Variants in PCCA observed in about 807,000 individuals in gnomAD.
The protein encoded by PCCA is propionyl-CoA carboxylase subunit alpha.
A neutral mutation model predicts 101.3 loss-of-function variants in PCCA; 74 were observed. That is an observed-to-expected ratio of 0.73 (90% confidence interval 0.61 to 0.89). PCCA has a LOEUF of 0.89. Ranked by LOEUF, PCCA falls within the 40% of genes least tolerant of loss-of-function variation. The pLI is 0.00. For synonymous variants in PCCA, 294 were observed against 313.6 expected, an observed-to-expected ratio of 0.94 and a Z score of 0.66; for missense variants, 891 against 907.0, an observed-to-expected ratio of 0.98 and a Z score of 0.23.
intron 12 of PCCA, among the ~76,000 whole-genome samples, chr13:100,276,213 C>CAAAAAAAAAAAAAA (rs59671834): frequency 9.8e-6 from 1 of 102,128 alleles, no homozygotes; most frequent in African/African-American, 4.6e-5. Flanking sequence ...TTGTCTGTAC[C>CAAAAAAAAAAAAAA]AAAAAAAAAA....
intron 21 of PCCA, among the ~76,000 whole-genome samples, chr13:100,489,133 G>A (rs938115022): frequency 5.3e-5 from 8 of 149,994 alleles, no homozygotes; most frequent in Non-Finnish European, 1.0e-4. Flanking sequence ...GTGAAACCCC[G>A]TCTCTACTAA....
intron 16 of PCCA, among the ~76,000 whole-genome samples, chr13:100,325,904 G>A (rs1359001726): frequency 6.6e-6 from 1 of 152,078 alleles, no homozygotes; most frequent in Admixed American, 6.5e-5. Context: ...TAACATCGAA[G>A]GTGTCGAAGT....
chr13:100,527,447 G>C, intron 22 of PCCA: 1 of 570,888 alleles, frequency 1.8e-6, no homozygotes, highest in South Asian at 1.7e-5. Context: ...CACTTCTCCA[G>C]GGTCAGGGAT....
chr13:100,503,382 C>A (rs1320365617), intron 21 of PCCA, among the ~76,000 whole-genome samples: 1 of 151,892 alleles, frequency 6.6e-6, no homozygotes, highest in Non-Finnish European at 1.5e-5. Flanking sequence ...CCCAGCTACT[C>A]GGGAGGCTGA....
intron 4 of PCCA, among the ~76,000 whole-genome samples, chr13:100,145,750 G>A (rs1474985806): frequency 2.0e-5 from 3 of 151,110 alleles, no homozygotes; most frequent in African/African-American, 2.4e-5. Flanking sequence ...TAGTCCCTGC[G>A]ACTCAGGAGG....
chr13:100,227,295 T>G (rs1030911640), intron 7 of PCCA, among the ~76,000 whole-genome samples: 1 of 152,130 alleles, frequency 6.6e-6, no homozygotes, highest in African/African-American at 2.4e-5. Context: ...AGCTCTTAAC[T>G]GCAAGGCTTG....
chr13:100,381,402 A>T (rs1345259218), intron 19 of PCCA, among the ~76,000 whole-genome samples: 2 of 152,084 alleles, frequency 1.3e-5, no homozygotes, highest in African/African-American at 4.8e-5. Flanking sequence ...AAAAAAAAAA[A>T]AAAAGTGTTG....
intron 8 of PCCA, among the ~76,000 whole-genome samples, chr13:100,257,106 A>G (rs2062128258): frequency 6.6e-6 from 1 of 152,146 alleles, no homozygotes; most frequent in African/African-American, 2.4e-5. Flanking sequence ...CAATACCATC[A>G]TGTCACTTCT....
At chr13:100,516,471 A>G (rs879872537) in intron 22 of PCCA, among the ~76,000 whole-genome samples, 2 of 152,244 alleles carry the variant, frequency 1.3e-5, no homozygotes, top group Non-Finnish European at 2.9e-5. Context: ...AATAAATGTG[A>G]ATATTAAGAA....
intron 7 of PCCA, among the ~76,000 whole-genome samples, chr13:100,229,488 T>C (rs1052961560): frequency 3.9e-5 from 6 of 152,244 alleles, no homozygotes; most frequent in African/African-American, 1.4e-4. Context: ...AGCCTAAATA[T>C]TTGCCCTGGC....
At chr13:100,237,540 G>C (rs2060875148) in intron 8 of PCCA, 1 of 152,118 alleles carries the variant, frequency 6.6e-6, no homozygotes, top group African/African-American at 2.4e-5. Context: ...AAAAGTTTCT[G>C]TTCATGGTTT....
At chr13:100,395,184 C>G (rs2076986910) in intron 19 of PCCA, among the ~76,000 whole-genome samples, 1 of 152,202 alleles carries the variant, frequency 6.6e-6, no homozygotes, top group African/African-American at 2.4e-5. Context: ...TTAAAATTAT[C>G]CCAAAGCCAC....
chr13:100,425,354 T>G (rs1383615820), intron 19 of PCCA, among the ~76,000 whole-genome samples: 1 of 151,104 alleles, frequency 6.6e-6, no homozygotes, highest in Non-Finnish European at 1.5e-5. Context: ...ATGTAGCATG[T>G]CCAGATAGGT....
chr13:100,516,499 T>C lies in PCCA; in HGVS notation c.2040+932T>C, dbSNP rs1009659972. 4.6e-5 allele frequency among the ~76,000 whole-genome samples: 7 copies of C among 152,356 alleles called. No homozygotes were observed. The South Asian group carries it at 1.4e-3, about 32-fold the overall frequency. On this transcript the variant is annotated intron_variant, in intron 22 of 23. Transcript: ENST00000376285. Reference sequence around the variant, plus strand: ...ATTAAGAAAACATGATCAGTTTTAGTTGTTTGAATGACCAGCCCTGAAACT... The same window carrying C: ...ATTAAGAAAACATGATCAGTTTTAGCTGTTTGAATGACCAGCCCTGAAACT...
At chr13:100,333,033 G>T (rs2069877721) in intron 17 of PCCA, among the ~76,000 whole-genome samples, 1 of 151,998 alleles carries the variant, frequency 6.6e-6, no homozygotes, top group South Asian at 2.1e-4. Flanking sequence ...TTTCAATCAG[G>T]GTATGCTACA....
At chr13:100,527,944 C>A (rs1024905960) in intron 23 of PCCA, among the ~76,000 whole-genome samples, 192 bp downstream of exon 23, 2 of 152,198 alleles carry the variant, frequency 1.3e-5, no homozygotes, top group Non-Finnish European at 2.9e-5. Context: ...GAGAGCGTGG[C>A]TTCCAAAAAG....
chr13:100,238,022 T>G (rs977073529), intron 8 of PCCA, among the ~76,000 whole-genome samples: 7 of 151,480 alleles, frequency 4.6e-5, no homozygotes, highest in African/African-American at 1.7e-4. Context: ...CACTGCAACT[T>G]CTGCCTCCCG....
intron 21 of PCCA, among the ~76,000 whole-genome samples, chr13:100,495,054 C>T (rs745480337): frequency 1.1e-4 from 16 of 151,898 alleles, no homozygotes; most frequent in East Asian, 3.9e-4. Flanking sequence ...GTATTGCCCC[C>T]GGGCATATTC....
At chr13:100,377,374 T>A (rs1301004995) in intron 19 of PCCA, among the ~76,000 whole-genome samples, 2 of 152,194 alleles carry the variant, frequency 1.3e-5, no homozygotes, top group Non-Finnish European at 2.9e-5. Context: ...GATGGAACAA[T>A]TTTTTCCATC....
Sources: gnomAD v4.1 joint callset for allele counts (sites outside exome capture counted in the v4.1 genomes callset) on GRCh38, gnomAD v4.1.1 for gene constraint, MANE v1.5 for transcripts, NCBI Gene and HGNC (gene_info 2026-07-23, HGNC 2026-07-21) for gene names.